The following KCNN2 variants were observed in gnomAD, a reference collection of about 807,000 sequenced individuals.
KCNN2 encodes the protein small conductance calcium-activated potassium channel protein 2.
KCNN2 carries 24 observed loss-of-function variants against 55.5 expected under a neutral mutation model. The observed-to-expected ratio is 0.43, with a 90% CI of 0.31 to 0.61. The LOEUF is 0.61. Ranked by LOEUF, KCNN2 falls within the 20% of genes least tolerant of loss-of-function variation. The pLI is 0.08. For synonymous variants in KCNN2, 431 were observed against 336.1 expected, an observed-to-expected ratio of 1.28 and a Z score of -3.09; for missense variants, 754 against 853.6, an observed-to-expected ratio of 0.88 and a Z score of 1.45.
chr5:114,242,572 T>G (rs1469497036), intron 2 of KCNN2, among the ~76,000 whole-genome samples: 3 of 152,180 alleles, frequency 2.0e-5, no homozygotes, highest in Non-Finnish European at 4.4e-5. Flanking sequence ...ACTTAGTCCT[T>G]GGGAAGACCA....
intron 1 of KCNN2, among the ~76,000 whole-genome samples, chr5:114,073,750 G>C (rs1483833157): frequency 1.3e-5 from 2 of 152,216 alleles, no homozygotes; most frequent in Admixed American, 1.3e-4. Flanking sequence ...TATAGTGCCT[G>C]ATCCACAGCA....
chr5:114,453,848 C>G (rs1760800208), intron 3 of KCNN2, among the ~76,000 whole-genome samples: 1 of 151,928 alleles, frequency 6.6e-6, no homozygotes, highest in Non-Finnish European at 1.5e-5. Flanking sequence ...GATACATGTG[C>G]TGAATGTGTA....
intron 1 of KCNN2, among the ~76,000 whole-genome samples, chr5:114,196,166 T>G (rs1170187408): frequency 2.0e-5 from 3 of 152,018 alleles, no homozygotes; most frequent in African/African-American, 4.8e-5. Flanking sequence ...TATATTACAT[T>G]AATTGACTTC....
intron 1 of KCNN2, among the ~76,000 whole-genome samples, chr5:114,210,755 T>C (rs953115645): frequency 2.0e-5 from 3 of 152,176 alleles, no homozygotes; most frequent in Admixed American, 2.0e-4. Flanking sequence ...AGTTTATGCC[T>C]CAATTATTAG....
At chr5:114,303,763 A>C (rs1756214153) in intron 2 of KCNN2, among the ~76,000 whole-genome samples, 1 of 152,196 alleles carries the variant, frequency 6.6e-6, no homozygotes, top group South Asian at 2.1e-4. Flanking sequence ...AGACAATAGA[A>C]ATTAGGGATT....
intron 1 of KCNN2, among the ~76,000 whole-genome samples, chr5:114,167,676 A>C (rs991557030): frequency 9.2e-5 from 14 of 152,146 alleles, no homozygotes; most frequent in Non-Finnish European, 1.9e-4. Context: ...CCATTTCAAA[A>C]AGTATTGAGG....
intron 2 of KCNN2, among the ~76,000 whole-genome samples, chr5:114,246,686 G>A (rs1247546099): frequency 3.3e-5 from 5 of 151,832 alleles, no homozygotes; most frequent in African/African-American, 9.7e-5. Flanking sequence ...ATAGTTGGTT[G>A]GTTTTTAACT....
At chr5:114,184,405 G>A (rs1753292190) in intron 1 of KCNN2, among the ~76,000 whole-genome samples, 1 of 152,136 alleles carries the variant, frequency 6.6e-6, no homozygotes, top group African/African-American at 2.4e-5. Flanking sequence ...ATCATAAAAA[G>A]ATATGTAGAA....
intron 2 of KCNN2, among the ~76,000 whole-genome samples, chr5:114,315,465 G>GTA (rs35534460): frequency 2.8e-4 from 19 of 68,140 alleles, no homozygotes; most frequent in African/African-American, 4.8e-4. Context: ...GTGTGTGTGT[G>GTA]TATATATATA....
intron 1 of KCNN2, among the ~76,000 whole-genome samples, chr5:114,176,741 G>T (rs1018212721): frequency 1.3e-5 from 2 of 152,098 alleles, no homozygotes; most frequent in South Asian, 4.1e-4. Flanking sequence ...GAGAAGCTAG[G>T]TATTCATAAG....
chr5:114,444,886 C>G (rs888107414), intron 3 of KCNN2, among the ~76,000 whole-genome samples: 7 of 152,116 alleles, frequency 4.6e-5, no homozygotes, highest in Non-Finnish European at 8.8e-5. Context: ...TCAAATACCC[C>G]CTGAAAAAAT....
chr5:114,479,739 C>A (rs1195123948), intron 5 of KCNN2, among the ~76,000 whole-genome samples: 1 of 152,108 alleles, frequency 6.6e-6, no homozygotes, highest in African/African-American at 2.4e-5. Flanking sequence ...CAAAACCACA[C>A]CACAACTACA....
In KCNN2 at chr5:114,362,897, G is replaced by C; in HGVS notation, c.758G>C (p.Gly253Ala). 1 of 1,595,770 alleles carries C rather than the reference G, an allele frequency of 6.3e-7. No homozygotes were observed. The highest frequency in any genetic ancestry group is 8.5e-7 in the Non-Finnish European group (1 of 1,178,130). ...CCCCTGCAGCCCCCCGCGTCTGTCG[G>C]AGGAGGTGGCGGCGCGTCCTCCCCG... ...AQPLQPPASV[G>A]GGGGASSPSA... Residue 253 changes from glycine to alanine, a missense_variant, in exon 1 of 8, where the codon GGA becomes GCA. Gly to Ala is a moderately conservative substitution (Grantham distance 60). Transcript: ENST00000673685.
intron 2 of KCNN2, among the ~76,000 whole-genome samples, chr5:114,367,607 A>C (rs921008399): frequency 6.6e-6 from 1 of 152,140 alleles, no homozygotes; most frequent in South Asian, 2.1e-4. Context: ...CTCAAGTCTC[A>C]AGGTCAAATT....
At chr5:114,254,997 C>T (rs1754953599) in intron 2 of KCNN2, among the ~76,000 whole-genome samples, 1 of 152,108 alleles carries the variant, frequency 6.6e-6, no homozygotes, top group Non-Finnish European at 1.5e-5. Flanking sequence ...TCATTGGCCT[C>T]ATCATTTTTT....
At chr5:114,423,022 G>A (rs1405182931) in intron 3 of KCNN2, among the ~76,000 whole-genome samples, 1 of 152,194 alleles carries the variant, frequency 6.6e-6, no homozygotes, top group Non-Finnish European at 1.5e-5. Context: ...CACATAAGCT[G>A]GCACAAAGCT....
At chr5:114,419,032 T>C (rs562506318) in intron 3 of KCNN2, among the ~76,000 whole-genome samples, 1 of 152,380 alleles carries the variant, frequency 6.6e-6, no homozygotes, top group African/African-American at 2.4e-5. Flanking sequence ...CGTAGCTCTT[T>C]ATCCAGTTTT....
intron 2 of KCNN2, among the ~76,000 whole-genome samples, chr5:114,341,871 C>T (rs906181929): frequency 1.1e-4 from 17 of 150,894 alleles, no homozygotes; most frequent in African/African-American, 4.1e-4. Context: ...TAAAATAGAG[C>T]ATAAAACAGA....
intron 1 of KCNN2, among the ~76,000 whole-genome samples, chr5:114,088,382 T>A (rs1751061401): frequency 6.6e-6 from 1 of 151,056 alleles, no homozygotes. Context: ...ATCCTGCTGT[T>A]TTTTTTTTGA....
Sources: allele counts gnomAD v4.1 joint callset (sites outside exome capture counted in the v4.1 genomes callset), GRCh38; gene constraint gnomAD v4.1.1; transcripts MANE v1.5; gene names NCBI Gene and HGNC (gene_info 2026-07-23, HGNC 2026-07-21).